The following ATP6V1D variants were observed in gnomAD, a reference collection of about 807,000 sequenced individuals.
ATP6V1D encodes V-type proton ATPase subunit D.
ATP6V1D carries 20 observed loss-of-function variants against 39.4 expected under a neutral mutation model. That is an observed-to-expected ratio of 0.51 (90% CI 0.36 to 0.74). The LOEUF (loss-of-function observed/expected upper bound fraction) is 0.74. Ranked by LOEUF, ATP6V1D falls within the 30% of genes least tolerant of loss-of-function variation. The probability of loss-of-function intolerance (pLI) is 0.00; values close to 1 mark genes in which losing one functional copy is unlikely to be tolerated. For synonymous variants in ATP6V1D, 100 were observed against 100.5 expected (o/e 0.99, Z 0.03); for missense variants, 228 against 291.6 (o/e 0.78, Z 1.59).
intron 6 of ATP6V1D, 59 bp downstream of exon 6, chr14:67,345,709 C>T (rs959203626): frequency 3.7e-5 from 43 of 1,168,116 alleles, no homozygotes; most frequent in Non-Finnish European, 5.1e-5. Context: ...ACCTGACTCT[C>T]CTCCACTTGA....
In ATP6V1D at chr14:67,359,747, G is replaced by T. The variant is rs1448845610; in HGVS notation, c.-49C>A. On this transcript the variant is annotated 5_prime_UTR_variant, in exon 1 of 9. Coordinates refer to ENST00000216442, the MANE Select transcript of ATP6V1D (RefSeq NM_015994.4). ...GGTCCCCGGCCGGGCAACCGAGGCTGCAATAGCTCCAGAACTGGCCTCCAC... is the reference window on the plus strand; with the variant it reads ...GGTCCCCGGCCGGGCAACCGAGGCTTCAATAGCTCCAGAACTGGCCTCCAC... 2 of 1,609,286 alleles carry T rather than the reference G, an allele frequency of 1.2e-6. No individual in the cohort carries two copies. The highest frequency in any genetic ancestry group is 1.1e-5 in the South Asian group (1 of 90,982).
Position 67,340,449 on chromosome 14 carries a change from T to C in ATP6V1D, c.593A>G (p.Glu198Gly). ...ITELDERERE[E>G]FYRLKKIQEK... is the part of the protein sequence containing the mutation. ...GCCAATTTCAACAAACCTATAGAAC[T>C]CTTCTCGCTCTCTCTCATCCAGCTC... Residue 198 changes from glutamate (E) to glycine (G), a missense_variant, in exon 8 of 9, where the codon GAG becomes GGG. By Grantham distance (98) the Glu-to-Gly change is moderately conservative. Transcript: ENST00000216442. The C allele has an allele frequency of 6.2e-7, 1 of 1,613,704 alleles. No individual in the cohort carries two copies. Among genetic ancestry groups the C allele is most frequent in the Non-Finnish European group, 8.5e-7 (1 of 1,179,708 alleles).
intron 1 of ATP6V1D, among the ~76,000 whole-genome samples, chr14:67,357,262 T>C (rs1005265132): frequency 5.9e-5 from 9 of 152,260 alleles, no homozygotes; most frequent in Non-Finnish European, 1.3e-4. Context: ...GTATATTTTC[T>C]AGCCTATGGC....
At position 67,359,794 on chromosome 14, in the gene ATP6V1D, C is replaced by A; in HGVS notation, c.-96G>T. On this transcript the variant is annotated 5_prime_UTR_variant, in exon 1 of 9. Coordinates refer to ENST00000216442, the MANE Select transcript of ATP6V1D (RefSeq NM_015994.4). ...CCACAGTGTCTTCCTCTACGGGAGT[C>A]AGCTGGTTGTGTCACTTGACCCCTC... is the stretch of plus-strand genomic sequence containing the variant. 1 of 1,434,330 alleles carries A rather than the reference C, an allele frequency of 7.0e-7. No individual in the cohort carries two copies. The highest frequency in any genetic ancestry group is 1.2e-5 in the South Asian group (1 of 85,922). The allele number at this position is 1,434,330 out of a possible 1,614,324, so 88.9% of individuals were successfully genotyped here. A position where few individuals can be genotyped will look rare whatever the true frequency, so the allele number is the denominator to read the frequency against.
chr14:67,342,067 T>C (rs940641128), intron 7 of ATP6V1D, among the ~76,000 whole-genome samples: 1 of 152,090 alleles, frequency 6.6e-6, no homozygotes, highest in Non-Finnish European at 1.5e-5. Context: ...CAGGGTCCTC[T>C]GCCTAGGAAA....
At chr14:67,339,943 T>C (rs1195784887) in intron 8 of ATP6V1D, 3 of 138,626 alleles carry the variant, frequency 2.2e-5, no homozygotes, top group Admixed American at 1.6e-4. Context: ...CTACTAAAAG[T>C]ACAAAAAAAT....
At chr14:67,350,883 T>C (rs536693731) in intron 2 of ATP6V1D, among the ~76,000 whole-genome samples, 193 bp from the exon 3 acceptor site, 1 of 152,244 alleles carries the variant, frequency 6.6e-6, no homozygotes, top group Non-Finnish European at 1.5e-5. Context: ...TTACAAACTA[T>C]GAGTTTTATA....
intron 3 of ATP6V1D, 84 bp from the exon 4 acceptor site, chr14:67,349,188 T>C (rs954818455): frequency 4.6e-6 from 6 of 1,308,342 alleles, no homozygotes; most frequent in Middle Eastern, 1.8e-4. Context: ...TAACATTAAA[T>C]GAGACCAAGA....
At chr14:67,356,787 C>T (rs2085688070) in intron 1 of ATP6V1D, among the ~76,000 whole-genome samples, 1 of 152,168 alleles carries the variant, frequency 6.6e-6, no homozygotes, top group Non-Finnish European at 1.5e-5. Flanking sequence ...CACAAGAGGT[C>T]TTATCAAGTG....
chr14:67,351,289 C>A (rs951319049), intron 2 of ATP6V1D, among the ~76,000 whole-genome samples: 1 of 151,982 alleles, frequency 6.6e-6, no homozygotes, highest in South Asian at 2.1e-4. Flanking sequence ...CTATACAGTA[C>A]AAAATGATAA....
At chr14:67,344,953 A>C (rs1408913081) in intron 6 of ATP6V1D, among the ~76,000 whole-genome samples, 9 of 149,896 alleles carry the variant, frequency 6.0e-5, no homozygotes, top group South Asian at 4.2e-4. Context: ...TAACAAGAAG[A>C]AGCAGGGGCC....
At chr14:67,342,202 AAAT>A (rs1163882781) in intron 7 of ATP6V1D, among the ~76,000 whole-genome samples, 43 of 149,338 alleles carry the variant, frequency 2.9e-4, no homozygotes, top group African/African-American at 9.1e-4. Context: ...ATAAATAAAT[AAAT>A]AAATAAATAA....
At chr14:67,344,873 T>G (rs1479550430) in intron 6 of ATP6V1D, among the ~76,000 whole-genome samples, 1 of 145,180 alleles carries the variant, frequency 6.9e-6, no homozygotes, top group Non-Finnish European at 1.5e-5. Flanking sequence ...AGAGCAAGAT[T>G]CTGTCTCAAA....
chr14:67,359,218 A>G (rs2141118722), intron 1 of ATP6V1D, among the ~76,000 whole-genome samples: 1 of 152,278 alleles, frequency 6.6e-6, no homozygotes, highest in South Asian at 2.1e-4. Flanking sequence ...GACCTCTTCT[A>G]TATCCTCAGT....
intron 8 of ATP6V1D, among the ~76,000 whole-genome samples, chr14:67,339,429 T>C (rs1319614563): frequency 6.6e-6 from 1 of 152,204 alleles, no homozygotes; most frequent in African/African-American, 2.4e-5. Context: ...TAACCTTTGA[T>C]AATTAAGATT....
intron 1 of ATP6V1D, 102 bp downstream of exon 1, chr14:67,359,556 C>T: frequency 7.5e-7 from 1 of 1,331,486 alleles, no homozygotes; most frequent in Non-Finnish European, 1.1e-6. Context: ...AGCTCAGGAT[C>T]CTCCCAGGAA....
intron 1 of ATP6V1D, among the ~76,000 whole-genome samples, chr14:67,357,667 A>G (rs1300162377): frequency 6.6e-6 from 1 of 152,214 alleles, no homozygotes; most frequent in Non-Finnish European, 1.5e-5. Context: ...TATTCAGTAA[A>G]CCACTGATAG....
chr14:67,339,032 C>T (rs1373732959), intron 8 of ATP6V1D, among the ~76,000 whole-genome samples: 10 of 132,014 alleles, frequency 7.6e-5, no homozygotes, highest in Admixed American at 6.9e-4. Flanking sequence ...CTTGCTCTGT[C>T]GCCCAGGGTG....
chr14:67,344,773 T>C (rs1247492562), intron 6 of ATP6V1D, among the ~76,000 whole-genome samples: 1 of 151,682 alleles, frequency 6.6e-6, no homozygotes, highest in African/African-American at 2.4e-5. Context: ...TCCAAGCTAC[T>C]TGGGAGGCTG....
Sources: gnomAD v4.1 joint callset for allele counts (sites outside exome capture counted in the v4.1 genomes callset) on GRCh38, gnomAD v4.1.1 for gene constraint, MANE v1.5 for transcripts, NCBI Gene and HGNC (gene_info 2026-07-23, HGNC 2026-07-21) for gene names.